Variants in ITGBL1 observed in about 807,000 individuals in gnomAD.
ITGBL1 encodes integrin subunit beta like 1.
Under a neutral mutation model 68.5 loss-of-function variants are expected in ITGBL1, and 51 were observed. The observed-to-expected ratio is 0.74, with a 90% CI of 0.59 to 0.94. ITGBL1 has a LOEUF of 0.94. Ranked by LOEUF, ITGBL1 falls within the 40% of genes least tolerant of loss-of-function variation. ITGBL1 has a pLI of 0.00. For synonymous variants in ITGBL1, 209 were observed against 227.3 expected (o/e 0.92, Z 0.72); for missense variants, 649 against 647.4 (o/e 1.00, Z -0.03).
At chr13:101,703,289 T>C (rs1278152946) in intron 8 of ITGBL1, among the ~76,000 whole-genome samples, 1 of 152,016 alleles carries the variant, frequency 6.6e-6, no homozygotes, top group African/African-American at 2.4e-5. Context: ...GCTTTGAAAA[T>C]TACTCAGAAC....
At chr13:101,673,697 T>C (rs3918323) in intron 7 of ITGBL1, among the ~76,000 whole-genome samples, 45,952 of 152,136 alleles carry the variant, frequency 0.3, 7,804 homozygotes, top group East Asian at 0.53. Flanking sequence ...TTATAAACTT[T>C]GTACTTATTG....
chr13:101,658,310 A>G (rs1201269139), intron 7 of ITGBL1, among the ~76,000 whole-genome samples: 1 of 152,200 alleles, frequency 6.6e-6, no homozygotes, highest in Non-Finnish European at 1.5e-5. Flanking sequence ...ATTATATTGC[A>G]TTGTTTACTC....
chr13:101,654,689 A>T (rs2032863668), intron 7 of ITGBL1, among the ~76,000 whole-genome samples: 1 of 152,136 alleles, frequency 6.6e-6, no homozygotes, highest in Non-Finnish European at 1.5e-5. Flanking sequence ...GAAGTTCAAT[A>T]CACACGTCTG....
rs56863411 is a variant in ITGBL1, at chr13:101,583,146, C to T, written c.728-70C>T. 2.9e-3 allele frequency: 4,079 copies of T among 1,419,942 alleles called. 97 individuals are homozygous for T. The African/African-American group carries it at 0.051, about 18-fold the overall frequency. 88.0% of individuals were successfully genotyped at this position (1,419,942 alleles called of 1,614,324 possible). A position where few individuals can be genotyped will look rare whatever the true frequency, so the allele number is the denominator to read the frequency against. On this transcript the variant is annotated intron_variant, in intron 5 of 10. Coordinates refer to ENST00000376180, the MANE Select transcript of ITGBL1 (RefSeq NM_004791.3). ...CACAAAGTAAACAGAAAATAATAAG[C>T]GATATGTGAAATGCTTTCTTTCATG...
At chr13:101,627,588 C>A (rs1009301359) in intron 7 of ITGBL1, among the ~76,000 whole-genome samples, 1 of 152,102 alleles carries the variant, frequency 6.6e-6, no homozygotes, top group African/African-American at 2.4e-5. Flanking sequence ...AGTTTCACTG[C>A]CCTACAAATC....
intron 2 of ITGBL1, among the ~76,000 whole-genome samples, chr13:101,454,637 T>G (rs1423098575): frequency 6.6e-6 from 1 of 152,080 alleles, no homozygotes; most frequent in African/African-American, 2.4e-5. Context: ...TTGTAGATCT[T>G]AGGCCTGTAT....
At chr13:101,664,237 A>G (rs527735757) in intron 7 of ITGBL1, among the ~76,000 whole-genome samples, 1 of 152,318 alleles carries the variant, frequency 6.6e-6, no homozygotes, top group Non-Finnish European at 1.5e-5. Context: ...GAGAATTTAG[A>G]GCTTAACATT....
At chr13:101,496,128 C>T (rs1179554293) in intron 2 of ITGBL1, among the ~76,000 whole-genome samples, 1 of 152,156 alleles carries the variant, frequency 6.6e-6, no homozygotes, top group Non-Finnish European at 1.5e-5. Context: ...AATATTTCTA[C>T]TTGAATGATT....
chr13:101,642,127 G>A (rs1253489733), intron 7 of ITGBL1, among the ~76,000 whole-genome samples: 1 of 151,596 alleles, frequency 6.6e-6, no homozygotes, highest in Non-Finnish European at 1.5e-5. Context: ...AGATCCCTGA[G>A]GAATCGCCAC....
intron 2 of ITGBL1, among the ~76,000 whole-genome samples, chr13:101,526,775 T>C (rs1335415025): frequency 1.3e-5 from 2 of 152,128 alleles, no homozygotes; most frequent in Admixed American, 1.3e-4. Context: ...TTTATTCATC[T>C]ATAATGCCAT....
chr13:101,508,046 C>T lies in ITGBL1; in HGVS notation c.316+53946C>T, dbSNP rs182980276. The stretch of plus-strand genomic sequence containing the variant: ...AGTTCAAAAGTCAACTCTGATGAGA[C>T]GAGAGACTTTATCTGCTCACTGACT... On this transcript the variant is annotated intron_variant, in intron 2 of 10. Transcript: ENST00000376180. Among the ~76,000 whole-genome samples, 6 of 152,240 alleles carry T rather than the reference C, an allele frequency of 3.9e-5. No individual in the cohort carries two copies. The East Asian group carries it at 5.8e-4, about 15-fold the overall frequency.
intron 7 of ITGBL1, among the ~76,000 whole-genome samples, chr13:101,650,568 A>T (rs956065080): frequency 2.0e-5 from 3 of 152,052 alleles, no homozygotes; most frequent in Admixed American, 6.6e-5. Context: ...AAATACAAAA[A>T]TTGGATCAAG....
chr13:101,481,183 T>C (rs1007727211), intron 2 of ITGBL1, among the ~76,000 whole-genome samples: 2 of 137,726 alleles, frequency 1.5e-5, no homozygotes, highest in Admixed American at 7.9e-5. Context: ...TATATATACA[T>C]ATGAGAGAGA....
intron 7 of ITGBL1, among the ~76,000 whole-genome samples, chr13:101,605,973 C>CCT (rs1555361887): frequency 7.0e-6 from 1 of 143,500 alleles, no homozygotes; most frequent in Non-Finnish European, 1.5e-5. Context: ...CATATATATG[C>CCT]ATATATGTGT....
chr13:101,570,229 G>C (rs2050250582), intron 3 of ITGBL1, among the ~76,000 whole-genome samples: 1 of 152,030 alleles, frequency 6.6e-6, no homozygotes, highest in African/African-American at 2.4e-5. Flanking sequence ...AATTATTCTG[G>C]TGCACAGAGT....
chr13:101,636,231 G>A (rs944384580), intron 7 of ITGBL1, among the ~76,000 whole-genome samples: 5 of 151,950 alleles, frequency 3.3e-5, no homozygotes, highest in East Asian at 1.9e-4. Flanking sequence ...TTGATTTTGG[G>A]TACCAACAGC....
chr13:101,499,612 G>T (rs1361953306), intron 2 of ITGBL1, among the ~76,000 whole-genome samples: 3 of 152,162 alleles, frequency 2.0e-5, no homozygotes, highest in African/African-American at 4.8e-5. Flanking sequence ...ATCTAGAGTT[G>T]CTACTTCTTG....
chr13:101,602,113 T>C (rs2030423142), intron 7 of ITGBL1, among the ~76,000 whole-genome samples: 1 of 152,110 alleles, frequency 6.6e-6, no homozygotes, highest in Admixed American at 6.6e-5. Flanking sequence ...TTCAGTTCAA[T>C]GTTACATTAA....
chr13:101,664,604 T>G (rs2033168234), intron 7 of ITGBL1, among the ~76,000 whole-genome samples: 1 of 152,174 alleles, frequency 6.6e-6, no homozygotes, highest in Non-Finnish European at 1.5e-5. Flanking sequence ...AAAATAAACT[T>G]TTTTCACTGC....
Sources: allele counts gnomAD v4.1 joint callset (sites outside exome capture counted in the v4.1 genomes callset), GRCh38; gene constraint gnomAD v4.1.1; transcripts MANE v1.5; gene names NCBI Gene and HGNC (gene_info 2026-07-23, HGNC 2026-07-21).